WDR49: variants seen among roughly 807,000 people sequenced by gnomAD.
WDR49 encodes WD repeat domain 49, also known as cilia- and flagella-associated protein 337.
A neutral mutation model predicts 119.5 loss-of-function variants in WDR49; 107 were observed. That is an observed-to-expected ratio of 0.90 (90% CI 0.77 to 1.05). The LOEUF is 1.05. WDR49 is among the 50% of genes least tolerant of loss of function. The probability of loss-of-function intolerance (pLI) is 0.00; values close to 1 mark genes in which losing one functional copy is unlikely to be tolerated. For missense variants in WDR49, 1,240 were observed against 1,220.5 expected (o/e 1.02, Z -0.24); for synonymous variants, 425 against 418.8 (o/e 1.01, Z -0.18).
At chr3:167,557,326 A>G (rs1005472950) in intron 9 of WDR49, among the ~76,000 whole-genome samples, 1 of 152,216 alleles carries the variant, frequency 6.6e-6, no homozygotes, top group Non-Finnish European at 1.5e-5. Context: ...AATCATCCAC[A>G]GATATATTCA....
chr3:167,529,221 G>A lies in WDR49; in HGVS notation c.2237C>T (p.Ser746Leu). The change falls in exon 14 of 19, where the codon TCA becomes TTA. Residue 746 changes from serine (S) to leucine (L), a missense_variant. Coordinates refer to ENST00000682715, the MANE Select transcript of WDR49 (RefSeq NM_001366157.1). ...TAVTGGANLV[S>L]CGGSGYVRFW... Reference sequence around the variant, plus strand: ...TCTGACATAACCAGATCCTCCACATGATACCAGGTTAGCTCCTCCTAACAT... The same window carrying A: ...TCTGACATAACCAGATCCTCCACATAATACCAGGTTAGCTCCTCCTAACAT... 1 of 1,598,640 alleles carries A rather than the reference G, an allele frequency of 6.3e-7. No homozygotes were observed. The highest frequency in any genetic ancestry group is 1.7e-4 in the Middle Eastern group (1 of 5,942).
chr3:167,595,672 A>G (rs1715387627), intron 7 of WDR49, among the ~76,000 whole-genome samples: 1 of 152,218 alleles, frequency 6.6e-6, no homozygotes, highest in South Asian at 2.1e-4. Context: ...CCATATGTAG[A>G]AAGCTGAAAC....
chr3:167,567,581 C>A (rs1162579190), intron 8 of WDR49, among the ~76,000 whole-genome samples: 1 of 152,178 alleles, frequency 6.6e-6, no homozygotes, highest in Non-Finnish European at 1.5e-5. Context: ...GCCTTCCAGG[C>A]TTTCATGACG....
At chr3:167,599,668 T>C (rs1715662540) in intron 7 of WDR49, among the ~76,000 whole-genome samples, 1 of 152,188 alleles carries the variant, frequency 6.6e-6, no homozygotes, top group African/African-American at 2.4e-5. Context: ...CCACCAGAGA[T>C]AGTAATATTC....
In WDR49 at chr3:167,642,870, C is replaced by T. The variant is rs1480792843; in HGVS notation, c.165+10391G>A. Among the ~76,000 whole-genome samples the T allele has an allele frequency of 6.6e-5, 10 of 151,778 alleles. No homozygotes were observed. In the Admixed American group the frequency reaches 6.6e-4, roughly 10 times the overall value. ...GACAAATTTGGGGCATTTTGAGTAT[C>T]ATAAAATAATGACCATAATAGAAAA... On this transcript the variant is annotated intron_variant, in intron 2 of 18. Transcript: ENST00000682715.
chr3:167,590,901 T>C (rs1386486954), intron 7 of WDR49, among the ~76,000 whole-genome samples: 1 of 152,096 alleles, frequency 6.6e-6, no homozygotes, highest in Non-Finnish European at 1.5e-5. Context: ...GATCTTTGTA[T>C]TCTTTCTTCA....
intron 18 of WDR49, among the ~76,000 whole-genome samples, chr3:167,495,883 G>GAAAAAAAAAAAAAAAAAAAAAAAAAA: frequency 3.1e-4 from 22 of 71,220 alleles, no homozygotes; most frequent in Non-Finnish European, 3.8e-4. Context: ...TTAAAAATTT[G>GAAAAAAAAAAAAAAAAAAAAAAAAAA]AAAAAAAAAA....
chr3:167,479,060 T>C (rs1750592724), intron 18 of WDR49, 64 bp from the exon 19 acceptor site: 6 of 1,200,152 alleles, frequency 5.0e-6, no homozygotes, highest in Non-Finnish European at 7.0e-6. Context: ...TTAAATGAAA[T>C]AGTGGGGAGA....
At chr3:167,592,732 C>T (rs1358771361) in intron 7 of WDR49, among the ~76,000 whole-genome samples, 1 of 152,136 alleles carries the variant, frequency 6.6e-6, no homozygotes, top group Non-Finnish European at 1.5e-5. Context: ...TGCTCCTAGC[C>T]AGATGATTTC....
chr3:167,595,154 C>T (rs535645854), intron 7 of WDR49, among the ~76,000 whole-genome samples: 2 of 152,194 alleles, frequency 1.3e-5, no homozygotes, highest in East Asian at 3.9e-4. Flanking sequence ...AGGAATCTAA[C>T]TTACAAGGGA....
intron 8 of WDR49, chr3:167,575,199 T>C (rs984041052): frequency 1.0e-6 from 1 of 985,372 alleles, no homozygotes; most frequent in African/African-American, 1.7e-5. Context: ...TAACCTCTGA[T>C]GTTGCTTGCT....
intron 8 of WDR49, 46 bp downstream of exon 8, chr3:167,575,872 A>G: frequency 6.3e-7 from 1 of 1,580,580 alleles, no homozygotes; most frequent in Non-Finnish European, 8.7e-7. Flanking sequence ...GAGCCTCTGG[A>G]CTTGGAGATA....
intron 7 of WDR49, among the ~76,000 whole-genome samples, chr3:167,598,242 T>C (rs1390507486): frequency 2.7e-5 from 4 of 150,628 alleles, no homozygotes; most frequent in Non-Finnish European, 5.9e-5. Context: ...GAGGCAGAGG[T>C]TGCAGTGAGC....
intron 10 of WDR49, among the ~76,000 whole-genome samples, chr3:167,551,256 G>C (rs1712547878): frequency 6.6e-6 from 1 of 151,846 alleles, no homozygotes; most frequent in African/African-American, 2.4e-5. Flanking sequence ...CAGGAATCAT[G>C]ATTCTTTACA....
At chr3:167,563,372 AAAAAAG>A (rs1217172256) in intron 8 of WDR49, among the ~76,000 whole-genome samples, 1 of 135,894 alleles carries the variant, frequency 7.4e-6, no homozygotes, top group African/African-American at 3.7e-5. Flanking sequence ...AAAAAAAAAA[AAAAAAG>A]AAAGAAACCT....
chr3:167,559,167 T>TGTAG, intron 9 of WDR49, among the ~76,000 whole-genome samples: 1 of 152,092 alleles, frequency 6.6e-6, no homozygotes, highest in Non-Finnish European at 1.5e-5. Flanking sequence ...TACCTAAACT[T>TGTAG]CTAGGATGTT....
chr3:167,481,871 A>T (rs1041052799), intron 18 of WDR49, among the ~76,000 whole-genome samples: 1 of 152,314 alleles, frequency 6.6e-6, no homozygotes, highest in East Asian at 1.9e-4. Flanking sequence ...CCCACAGCAC[A>T]TGGGAATTCT....
chr3:167,484,275 C>CCTTA (rs1176814412), intron 18 of WDR49, among the ~76,000 whole-genome samples: 1 of 151,878 alleles, frequency 6.6e-6, no homozygotes, highest in African/African-American at 2.4e-5. Context: ...AGATAAAAGG[C>CCTTA]CTTAACACTG....
At chr3:167,611,419 G>A (rs1270212499) in intron 5 of WDR49, among the ~76,000 whole-genome samples, 1 of 152,146 alleles carries the variant, frequency 6.6e-6, no homozygotes, top group Non-Finnish European at 1.5e-5. Context: ...GGAGGAAAGA[G>A]AGAAGGAAGA....
Sources: allele counts gnomAD v4.1 joint callset (sites outside exome capture counted in the v4.1 genomes callset), GRCh38; gene constraint gnomAD v4.1.1; transcripts MANE v1.5; gene names NCBI Gene and HGNC (gene_info 2026-07-23, HGNC 2026-07-21).